The following SPDYA variants were observed in gnomAD, a reference collection of about 807,000 sequenced individuals.
SPDYA encodes the protein speedy protein A.
SPDYA carries 11 observed loss-of-function variants against 36.7 expected under a neutral mutation model. The observed-to-expected ratio is 0.30, with a 90% CI of 0.19 to 0.50. The LOEUF (loss-of-function observed/expected upper bound fraction) is 0.50. Ranked by LOEUF, SPDYA falls within the 20% of genes least tolerant of loss-of-function variation. SPDYA has a pLI of 0.98. For missense variants in SPDYA, 287 were observed against 370.9 expected (o/e 0.77, Z 1.86); for synonymous variants, 115 against 118.7 (o/e 0.97, Z 0.20).
chr2:28,816,182 T>A lies in SPDYA; in HGVS notation c.168T>A (p.Ser56=). Reference sequence around the variant, plus strand: ...AAAATACACATAATAACAACAAATCTAAACGCCCCAAAGGACCTTGTCTGG... The same window carrying A: ...AAAATACACATAATAACAACAAATCAAAACGCCCCAAAGGACCTTGTCTGG... ...FEKNTHNNNK[S]KRPKGPCLVI... The change falls in exon 3 of 8, where the codon TCT becomes TCA. Residue 56 remains serine (S), a synonymous_variant. Coordinates refer to ENST00000334056, the MANE Select transcript of SPDYA (RefSeq NM_182756.4). 1 of 1,614,074 alleles carries A rather than the reference T, an allele frequency of 6.2e-7. No homozygotes were observed. Among genetic ancestry groups the A allele is most frequent in the Non-Finnish European group, 8.5e-7 (1 of 1,179,980 alleles).
At chr2:28,849,761 A>T in intron 7 of SPDYA, 89 bp from the exon 8 acceptor site, 1 of 686,500 alleles carries the variant, frequency 1.5e-6, no homozygotes. Flanking sequence ...TTTCCTTATT[A>T]TTTTTTAAGA....
At chr2:28,837,496 TAAA>T (rs1189842260) in intron 6 of SPDYA, among the ~76,000 whole-genome samples, 11 of 152,216 alleles carry the variant, frequency 7.2e-5, no homozygotes, top group Admixed American at 7.2e-4. Context: ...TCATTACGTA[TAAA>T]TGATGCTTCG....
intron 6 of SPDYA, among the ~76,000 whole-genome samples, chr2:28,832,572 C>A (rs1194803239): frequency 6.6e-6 from 1 of 152,166 alleles, no homozygotes; most frequent in Non-Finnish European, 1.5e-5. Context: ...CTTAACGTGC[C>A]TAAAATTGAA....
At chr2:28,848,938 G>A (rs138227789) in intron 7 of SPDYA, among the ~76,000 whole-genome samples, 1 of 152,096 alleles carries the variant, frequency 6.6e-6, no homozygotes, top group Non-Finnish European at 1.5e-5. Flanking sequence ...CCAACTACAT[G>A]GGAAGCTGAG....
intron 6 of SPDYA, 95 bp downstream of exon 6, chr2:28,829,414 T>C (rs1668417119): frequency 8.1e-7 from 1 of 1,234,006 alleles, no homozygotes; most frequent in South Asian, 1.5e-5. Context: ...TTTGGTATTC[T>C]GGGTTTTTTT....
At chr2:28,813,722 T>A (rs746882426) in intron 1 of SPDYA, among the ~76,000 whole-genome samples, 12 of 152,064 alleles carry the variant, frequency 7.9e-5, no homozygotes, top group Non-Finnish European at 1.6e-4. Flanking sequence ...CAGCTAATTT[T>A]TGTATTTTTA....
intron 6 of SPDYA, among the ~76,000 whole-genome samples, chr2:28,832,553 T>TA (rs1401540927): frequency 6.6e-6 from 1 of 152,324 alleles, no homozygotes; most frequent in East Asian, 1.9e-4. Context: ...GTCTAATTGA[T>TA]ACCTCAAACT....
At chr2:28,823,702 A>AAT (rs1160889916) in intron 5 of SPDYA, among the ~76,000 whole-genome samples, 1,406 of 49,046 alleles carry the variant, frequency 0.029, 19 homozygotes, top group Middle Eastern at 0.053. Context: ...GGAATGCATG[A>AAT]ATATATATAT....
At position 28,840,392 on chromosome 2, in the gene SPDYA, A is replaced by C; in HGVS notation, c.773A>C (p.Lys258Thr). 1 of 1,613,142 alleles carries C rather than the reference A, an allele frequency of 6.2e-7. No homozygotes were observed. The highest frequency in any genetic ancestry group is 8.5e-7 in the Non-Finnish European group (1 of 1,179,688). ...AGTCATACAGCAGGGGTGACAGAAA[A>C]ACATTCTCAGGACTCATACAACTCA... is the stretch of plus-strand genomic sequence containing the variant. ...LSSHTAGVTE[K>T]HSQDSYNSLS... The change falls in exon 7 of 8, where the codon AAA becomes ACA. Residue 258 changes from lysine to threonine, a missense_variant. Lys to Thr is a moderately conservative substitution (Grantham distance 78). Coordinates refer to ENST00000334056, the MANE Select transcript of SPDYA (RefSeq NM_182756.4).
chr2:28,840,158 G>C lies in SPDYA; in HGVS notation c.553-14G>C. On this transcript the variant is annotated splice_polypyrimidine_tract_variant and intron_variant, in intron 6 of 7. Transcript: ENST00000334056. The stretch of plus-strand genomic sequence containing the variant: ...AATATTACTAAAATTCTAAAAGTTA[G>C]CTTTCTATTATAGGTTATGGCCATT... The C allele has an allele frequency of 1.3e-6, 2 of 1,597,322 alleles. No individual in the cohort carries two copies. Among genetic ancestry groups the C allele is most frequent in the Middle Eastern group, 1.7e-4 (1 of 5,988 alleles).
Position 28,816,249 on chromosome 2 carries a change from G to GGT in SPDYA, c.235+1_235+2dup, listed in dbSNP as rs1667981611. The GGT allele has an allele frequency of 6.3e-7, 1 of 1,588,900 alleles. No homozygotes were observed. The highest frequency in any genetic ancestry group is 1.2e-5 in the South Asian group (1 of 86,926). On this transcript the variant is annotated frameshift_variant and splice_region_variant. Transcript: ENST00000334056. LOFTEE classifies it high-confidence loss of function. ...TATGACTGCTTTCTTTAAATTATTT[G>GGT]GTAGGTTTAAAATATTGTAATAGTG... is the stretch of plus-strand genomic sequence containing the variant.
chr2:28,821,669 T>C (rs144848980), intron 4 of SPDYA, among the ~76,000 whole-genome samples: 3 of 152,346 alleles, frequency 2.0e-5, no homozygotes, highest in Middle Eastern at 3.4e-3. Context: ...CCTGTTACAA[T>C]AGGATGAATA....
chr2:28,845,165 A>G (rs1668839163), intron 7 of SPDYA, among the ~76,000 whole-genome samples: 1 of 151,308 alleles, frequency 6.6e-6, no homozygotes, highest in African/African-American at 2.4e-5. Context: ...AGCTCACTGT[A>G]GCCTCAACCT....
intron 4 of SPDYA, among the ~76,000 whole-genome samples, chr2:28,819,879 T>C (rs867123131): frequency 2.7e-5 from 1 of 37,088 alleles, no homozygotes; most frequent in South Asian, 1.1e-3. Flanking sequence ...TATATATATA[T>C]ATATATATAT....
intron 7 of SPDYA, 155 bp downstream of exon 7, chr2:28,840,624 CTT>C: frequency 7.1e-7 from 1 of 1,402,078 alleles, no homozygotes; most frequent in Non-Finnish European, 9.2e-7. Flanking sequence ...TACTTTTTGT[CTT>C]GTGTCCATAT....
chr2:28,840,260 A>G lies in SPDYA; in HGVS notation c.641A>G (p.Glu214Gly). ...SGAVRNYNRD[E>G]VQLPRGPSAT... ...GCTGTCAGAAACTACAACAGAGATGAAGTTCAGCTGCCCCGGGGACCTAGT... is the reference window on the plus strand; with the variant it reads ...GCTGTCAGAAACTACAACAGAGATGGAGTTCAGCTGCCCCGGGGACCTAGT... Residue 214 changes from glutamate (E) to glycine (G), a missense_variant, in exon 7 of 8, where the codon GAA becomes GGA. Physicochemically the swap from Glu to Gly is moderately conservative, Grantham distance 98. Coordinates refer to ENST00000334056, the MANE Select transcript of SPDYA (RefSeq NM_182756.4). The G allele has an allele frequency of 6.2e-7, 1 of 1,613,802 alleles. No homozygotes were observed. The highest frequency in any genetic ancestry group is 8.5e-7 in the Non-Finnish European group (1 of 1,179,918).
rs933881100 is a variant in SPDYA, at chr2:28,811,754, G to A, written c.-93+807G>A. ...GGAGAATCGCTTGAACCCTGGAAGC[G>A]GAGGTTGCAGTGAGCTAAAACCCGT... is the stretch of plus-strand genomic sequence containing the variant. On this transcript the variant is annotated intron_variant, in intron 1 of 7. Transcript: ENST00000334056. This position sits in a 1 kb window ranked among gnomAD's most constrained non-coding sequence, Gnocchi z 4.2. 4.6e-4 allele frequency among the ~76,000 whole-genome samples: 69 copies of A among 150,562 alleles called. No homozygotes were observed. Among genetic ancestry groups the A allele is most frequent in the African/African-American group, 1.6e-3 (65 of 40,902 alleles).
chr2:28,813,931 G>C (rs959831031), intron 1 of SPDYA, among the ~76,000 whole-genome samples: 1 of 152,050 alleles, frequency 6.6e-6, no homozygotes, highest in African/African-American at 2.4e-5. Context: ...AGATGAGGTG[G>C]GCAGGAAAGA....
intron 6 of SPDYA, among the ~76,000 whole-genome samples, chr2:28,836,910 C>T (rs557630463): frequency 1.3e-5 from 2 of 152,298 alleles, no homozygotes; most frequent in East Asian, 3.9e-4. Context: ...GGATGCCTAT[C>T]TAATGAGAGA....
Sources: allele counts gnomAD v4.1 joint callset (sites outside exome capture counted in the v4.1 genomes callset), GRCh38; gene constraint gnomAD v4.1.1; non-coding constraint Gnocchi (gnomAD v3.1); transcripts MANE v1.5; gene names NCBI Gene and HGNC (gene_info 2026-07-23, HGNC 2026-07-21).